The following ZNF451 variants were observed in gnomAD, a reference collection of about 807,000 sequenced individuals.
ZNF451 encodes zinc finger protein 451.
In ZNF451, 80 loss-of-function variants were observed where a neutral mutation model predicts 107.1. The ratio of observed to expected loss-of-function variants is 0.75; its 90% confidence interval spans 0.62 to 0.90. The LOEUF (loss-of-function observed/expected upper bound fraction) is 0.90. Among genes scored for constraint, ZNF451 ranks in the 40% least tolerant of loss-of-function variants. The pLI is 0.00. For missense variants in ZNF451, 1,107 were observed against 1,236.2 expected, an observed-to-expected ratio of 0.90 and a Z score of 1.57; for synonymous variants, 362 against 406.5, an observed-to-expected ratio of 0.89 and a Z score of 1.32.
At chr6:57,110,514 A>G (rs1830059570) in intron 3 of ZNF451, among the ~76,000 whole-genome samples, 1 of 152,142 alleles carries the variant, frequency 6.6e-6, no homozygotes, top group Admixed American at 6.5e-5. Context: ...GTAGAAAACA[A>G]CTCTGAGGAT....
intron 3 of ZNF451, among the ~76,000 whole-genome samples, chr6:57,120,423 T>G (rs1010375614): frequency 1.3e-5 from 2 of 152,212 alleles, no homozygotes; most frequent in African/African-American, 4.8e-5. Context: ...TCAATTCATT[T>G]GAGTAACAAC....
At chr6:57,103,755 A>G (rs774778479) in intron 3 of ZNF451, 1 of 985,280 alleles carries the variant, frequency 1.0e-6, no homozygotes, top group Non-Finnish European at 1.2e-6. Flanking sequence ...TTTACGGTTT[A>G]TGTGGCTTCT....
At chr6:57,099,679 T>A (rs1293322637) in intron 3 of ZNF451, 2 of 584,556 alleles carry the variant, frequency 3.4e-6, no homozygotes, top group Non-Finnish European at 6.1e-6. Flanking sequence ...ATGTACTGGT[T>A]GTAGGTTTGA....
At chr6:57,144,215 A>G in intron 9 of ZNF451, among the ~76,000 whole-genome samples, 1 of 149,018 alleles carries the variant, frequency 6.7e-6, no homozygotes. Context: ...TATATGGTAT[A>G]TGAATTATGA....
chr6:57,114,230 A>AT (rs1830258321), intron 3 of ZNF451, among the ~76,000 whole-genome samples: 1 of 152,216 alleles, frequency 6.6e-6, no homozygotes, highest in Admixed American at 6.5e-5. Context: ...CTATATTTAC[A>AT]TTCCAAAGAA....
chr6:57,127,589 T>TAA (rs1830990018), intron 4 of ZNF451, among the ~76,000 whole-genome samples: 1 of 152,212 alleles, frequency 6.6e-6, no homozygotes, highest in Admixed American at 6.5e-5. Flanking sequence ...TAAATCTTTT[T>TAA]GAGAGGCAGT....
chr6:57,107,948 C>T (rs372361896), intron 3 of ZNF451: 1 of 539,174 alleles, frequency 1.9e-6, no homozygotes, highest in East Asian at 1.5e-4. Context: ...ACGCCATTCT[C>T]CTGCCTAAGC....
At chr6:57,144,749 C>T (rs192721373) in intron 9 of ZNF451, among the ~76,000 whole-genome samples, 48 of 151,840 alleles carry the variant, frequency 3.2e-4, no homozygotes, top group African/African-American at 1.1e-3. Flanking sequence ...GCTAACATGG[C>T]GAAACCCCAT....
At chr6:57,156,123 A>T (rs1763412060) in intron 13 of ZNF451, among the ~76,000 whole-genome samples, 1 of 152,170 alleles carries the variant, frequency 6.6e-6, no homozygotes. Flanking sequence ...AACAAATAAT[A>T]GCTATTTTTT....
At chr6:57,140,669 T>G (rs1230493330) in intron 7 of ZNF451, among the ~76,000 whole-genome samples, 1 of 151,816 alleles carries the variant, frequency 6.6e-6, no homozygotes. Flanking sequence ...ACCCAAAACT[T>G]AAAAAAAGAA....
chr6:57,168,084 A>G (rs16888356), intron 14 of ZNF451, among the ~76,000 whole-genome samples: 3,775 of 152,224 alleles, frequency 0.025, 156 homozygotes, highest in African/African-American at 0.087. Flanking sequence ...TATCACCTCA[A>G]GTCTTTTAGC....
intron 10 of ZNF451, among the ~76,000 whole-genome samples, chr6:57,150,112 A>G (rs930682857): frequency 2.6e-5 from 4 of 152,106 alleles, no homozygotes; most frequent in Non-Finnish European, 5.9e-5. Flanking sequence ...GGCATGGGGG[A>G]AGGTGAAAGA....
intron 13 of ZNF451, chr6:57,154,260 CT>C: frequency 8.3e-6 from 5 of 601,396 alleles, no homozygotes; most frequent in Non-Finnish European, 1.2e-5. Flanking sequence ...TTTTCTGGAG[CT>C]TTTTTTGATC....
At position 57,090,230 on chromosome 6, in the gene ZNF451, G is replaced by T. The variant is rs746033538; in HGVS notation, c.-24G>T. The stretch of plus-strand genomic sequence containing the variant: ...CGGCAGGGACAGCAGGAGCAGTGGT[G>T]CTGTCAGCGCGGCCGTCGGAGACAT... On this transcript the variant is annotated 5_prime_UTR_variant, in exon 1 of 15. Coordinates refer to ENST00000370706, the MANE Select transcript of ZNF451 (RefSeq NM_001031623.3). 1.2e-6 allele frequency: 2 copies of T among 1,608,586 alleles called. No individual in the cohort carries two copies. The highest frequency in any genetic ancestry group is 1.1e-5 in the South Asian group (1 of 89,806).
intron 3 of ZNF451, chr6:57,114,905 G>A (rs968208148): frequency 3.3e-5 from 5 of 152,118 alleles, no homozygotes; most frequent in Non-Finnish European, 7.4e-5. Context: ...TTAACATTTT[G>A]ATTTATATAG....
At chr6:57,099,857 G>C (rs1195771365) in intron 3 of ZNF451, among the ~76,000 whole-genome samples, 3 of 152,202 alleles carry the variant, frequency 2.0e-5, no homozygotes, top group Non-Finnish European at 4.4e-5. Flanking sequence ...CAAACTTCTT[G>C]CTCTGTGATA....
chr6:57,141,962 G>T lies in ZNF451; in HGVS notation c.871G>T (p.Ala291Ser). ...TTGTCTTTCAGATAACAAAGGAATTGCACATCCAATATCTTTCCCATCTTT... is the reference window on the plus strand; with the variant it reads ...TTGTCTTTCAGATAACAAAGGAATTTCACATCCAATATCTTTCCCATCTTT... ...SFKLGDNKGI[A>S]HPISFPSFAK... Residue 291 changes from alanine (A) to serine (S), a missense_variant, in exon 9 of 15, where the codon GCA (alanine) becomes TCA (serine). Physicochemically the swap from Ala to Ser is moderately conservative, Grantham distance 99 (BLOSUM62 1). Around this residue, in one of 5 missense-constraint regions of ZNF451, gnomAD observed 339 missense variants for 372.8 expected, o/e 0.91. Coordinates refer to ENST00000370706, the MANE Select transcript of ZNF451 (RefSeq NM_001031623.3). The T allele has an allele frequency of 6.2e-7, 1 of 1,613,438 alleles. No individual in the cohort carries two copies.
At chr6:57,153,512 C>G (rs1193648702) in intron 12 of ZNF451, among the ~76,000 whole-genome samples, 1 of 151,512 alleles carries the variant, frequency 6.6e-6, no homozygotes, top group Non-Finnish European at 1.5e-5. Context: ...TCAAGTGATT[C>G]TCCAGCCTCA....
At chr6:57,133,014 C>G (rs1393543192) in intron 5 of ZNF451, 28 bp from the exon 6 acceptor site, 2 of 1,612,026 alleles carry the variant, frequency 1.2e-6, no homozygotes, top group East Asian at 2.2e-5. Context: ...GAAATAATAA[C>G]CTAAGAATTC....
Sources: allele counts gnomAD v4.1 joint callset (sites outside exome capture counted in the v4.1 genomes callset), GRCh38; gene constraint gnomAD v4.1.1; regional missense constraint gnomAD v4.1.1; transcripts MANE v1.5; gene names NCBI Gene and HGNC (gene_info 2026-07-23, HGNC 2026-07-21).